Variants in AFF1 observed in about 807,000 individuals in gnomAD.
AFF1 encodes the protein AF4/FMR2 family member 1.
A neutral mutation model predicts 121.7 loss-of-function variants in AFF1; 48 were observed. That is an observed-to-expected ratio of 0.39 (90% confidence interval 0.31 to 0.50). The LOEUF (loss-of-function observed/expected upper bound fraction) is 0.50. Among genes scored for constraint, AFF1 ranks in the 20% least tolerant of loss-of-function variants. AFF1 has a pLI of 0.76. For synonymous variants in AFF1, 613 were observed against 563.0 expected (o/e 1.09, Z -1.26); for missense variants, 1,523 against 1,511.7 (o/e 1.01, Z -0.12).
intron 1 of AFF1, 133 bp from the exon 2 acceptor site, chr4:86,948,365 A>T: frequency 1.7e-6 from 1 of 580,716 alleles, no homozygotes; most frequent in Non-Finnish European, 2.9e-6. Context: ...ACAACTTGGG[A>T]ATTGGAGAAC....
At chr4:87,061,031 G>T (rs1243649152) in intron 4 of AFF1, among the ~76,000 whole-genome samples, 1 of 152,126 alleles carries the variant, frequency 6.6e-6, no homozygotes, top group Non-Finnish European at 1.5e-5. Context: ...TAGTGAACTA[G>T]TTGCTAAGAC....
intron 2 of AFF1, among the ~76,000 whole-genome samples, chr4:86,962,129 G>C (rs541609557): frequency 1.1e-3 from 160 of 147,190 alleles, no homozygotes; most frequent in Non-Finnish European, 1.6e-3. Context: ...CAGGATATTT[G>C]GAAAAGTTAT....
At chr4:86,992,515 A>G (rs1373440440) in intron 2 of AFF1, among the ~76,000 whole-genome samples, 2 of 152,184 alleles carry the variant, frequency 1.3e-5, no homozygotes, top group African/African-American at 4.8e-5. Flanking sequence ...GTGAATTCCC[A>G]AGTGACAGTG....
intron 4 of AFF1, among the ~76,000 whole-genome samples, chr4:87,050,948 G>A (rs1442808194): frequency 2.0e-5 from 3 of 152,216 alleles, no homozygotes; most frequent in Non-Finnish European, 4.4e-5. Flanking sequence ...CATGGACCCC[G>A]AGGCTGGGGG....
At chr4:87,115,777 T>C (rs758768471) in intron 12 of AFF1, among the ~76,000 whole-genome samples, 2 of 151,608 alleles carry the variant, frequency 1.3e-5, no homozygotes, top group Non-Finnish European at 2.9e-5. Flanking sequence ...CCCGGCTAAT[T>C]TTTGTATTTT....
chr4:86,954,706 G>T (rs1721615972), intron 2 of AFF1, among the ~76,000 whole-genome samples: 1 of 152,162 alleles, frequency 6.6e-6, no homozygotes, highest in African/African-American at 2.4e-5. Flanking sequence ...TCCAGCCTGG[G>T]TGACAGAGCA....
chr4:87,104,620 A>T (rs1313507735), intron 8 of AFF1, among the ~76,000 whole-genome samples: 1 of 152,142 alleles, frequency 6.6e-6, no homozygotes, highest in Admixed American at 6.5e-5. Flanking sequence ...TTTTACCAGG[A>T]TTTCCAAAGA....
intron 2 of AFF1, among the ~76,000 whole-genome samples, chr4:86,950,924 T>G (rs929983490): frequency 6.6e-6 from 1 of 152,228 alleles, no homozygotes; most frequent in Non-Finnish European, 1.5e-5. Flanking sequence ...CCTCCAAGAT[T>G]GTGAAAATAA....
intron 5 of AFF1, among the ~76,000 whole-genome samples, chr4:87,088,560 A>AATT (rs1323168684): frequency 3.9e-5 from 6 of 152,154 alleles, no homozygotes; most frequent in Non-Finnish European, 8.8e-5. Flanking sequence ...GTGGAGTAAT[A>AATT]TAGCATGCTG....
At chr4:86,972,474 A>G (rs554611135) in intron 2 of AFF1, among the ~76,000 whole-genome samples, 2 of 152,330 alleles carry the variant, frequency 1.3e-5, no homozygotes, top group African/African-American at 2.4e-5. Flanking sequence ...AATGTGAAAT[A>G]TCTCAACAAC....
chr4:87,015,725 A>C (rs1204806334), intron 2 of AFF1, among the ~76,000 whole-genome samples: 1 of 152,212 alleles, frequency 6.6e-6, no homozygotes, highest in East Asian at 1.9e-4. Flanking sequence ...AGTAAAAATC[A>C]TTAGGTTTAC....
intron 2 of AFF1, among the ~76,000 whole-genome samples, chr4:86,990,243 G>A (rs1724596168): frequency 6.6e-6 from 1 of 151,644 alleles, no homozygotes; most frequent in Non-Finnish European, 1.5e-5. Context: ...AGCATTTTGG[G>A]AGGCTGAGGC....
At chr4:87,084,654 C>G (rs760098183) in intron 5 of AFF1, among the ~76,000 whole-genome samples, 1 of 152,106 alleles carries the variant, frequency 6.6e-6, no homozygotes, top group Non-Finnish European at 1.5e-5. Flanking sequence ...ATTTCTCCCC[C>G]ACTCATCTCC....
intron 4 of AFF1, among the ~76,000 whole-genome samples, chr4:87,050,694 T>A (rs1310590125): frequency 6.6e-6 from 1 of 152,226 alleles, no homozygotes; most frequent in Admixed American, 6.5e-5. Flanking sequence ...ACTTGGTTTT[T>A]CTCCGGGAGT....
At chr4:87,029,556 C>T (rs1728865633) in intron 2 of AFF1, among the ~76,000 whole-genome samples, 1 of 152,068 alleles carries the variant, frequency 6.6e-6, no homozygotes, top group Admixed American at 6.5e-5. Flanking sequence ...TTCCAAAAAC[C>T]ACACCCGCCT....
chr4:87,125,475 T>C (rs938991312), intron 13 of AFF1, among the ~76,000 whole-genome samples: 4 of 151,940 alleles, frequency 2.6e-5, no homozygotes, highest in Non-Finnish European at 5.9e-5. Flanking sequence ...ACAGAGAAAA[T>C]GACTTGTCCA....
chr4:87,126,357 C>G (rs767162277), intron 14 of AFF1, 21 bp downstream of exon 14: 2 of 1,604,446 alleles, frequency 1.2e-6, no homozygotes, highest in South Asian at 1.1e-5. Context: ...GCGGCGGTCA[C>G]TCTGTAAGAT....
In AFF1 at chr4:87,140,754, T is replaced by G. The variant is rs1031258437; in HGVS notation, c.*5053T>G. On this transcript the variant is annotated 3_prime_UTR_variant, in exon 21 of 21. Transcript: ENST00000395146. ...GGGGAACTCCATGTATTTTACCTAC[T>G]TCAGCAATGGAACTGCAACTTGGGG... 3.1e-5 allele frequency: 6 copies of G among 190,482 alleles called. No homozygotes were observed. Among genetic ancestry groups the G allele is most frequent in the African/African-American group, 1.4e-4 (6 of 42,910 alleles). The allele number at this position is 190,482 out of a possible 1,614,324, so 11.8% of individuals were successfully genotyped here.
At chr4:87,086,468 A>C (rs1288746920) in intron 5 of AFF1, among the ~76,000 whole-genome samples, 1 of 152,146 alleles carries the variant, frequency 6.6e-6, no homozygotes, top group African/African-American at 2.4e-5. Flanking sequence ...GCTTACCTCG[A>C]AATGCTTGAG....
Sources: gnomAD v4.1 joint callset for allele counts (sites outside exome capture counted in the v4.1 genomes callset) on GRCh38, gnomAD v4.1.1 for gene constraint, MANE v1.5 for transcripts, NCBI Gene and HGNC (gene_info 2026-07-23, HGNC 2026-07-21) for gene names.